Variants in SLIT2 observed in about 807,000 individuals in gnomAD.
SLIT2 encodes slit homolog 2 protein.
SLIT2 carries 41 observed loss-of-function variants against 185.7 expected under a neutral mutation model. The ratio of observed to expected loss-of-function variants is 0.22; its 90% CI spans 0.17 to 0.29. The LOEUF (loss-of-function observed/expected upper bound fraction) is 0.29, where lower values mean the gene tolerates loss of function less well. SLIT2 is among the 10% of genes least tolerant of loss of function. The pLI is 1.00. For synonymous variants in SLIT2, 693 were observed against 680.2 expected (o/e 1.02, Z -0.29); for missense variants, 1,571 against 1,909.0 (o/e 0.82, Z 3.30).
At chr4:20,274,805 C>T (rs1010886416) in intron 4 of SLIT2, among the ~76,000 whole-genome samples, 3 of 150,862 alleles carry the variant, frequency 2.0e-5, no homozygotes, top group African/African-American at 4.9e-5. Context: ...GCAAATGTTT[C>T]TAACTCCACC....
intron 4 of SLIT2, among the ~76,000 whole-genome samples, chr4:20,467,338 A>T (rs917158214): frequency 6.6e-6 from 1 of 152,106 alleles, no homozygotes; most frequent in Non-Finnish European, 1.5e-5. Context: ...ATTAAGTAGG[A>T]TGCTTTCCTA....
Position 20,594,291 on chromosome 4 carries a change from GTA to G in SLIT2, c.3183-1394_3183-1393del, listed in dbSNP as rs375488390. Among the ~76,000 whole-genome samples, 49 of 149,396 alleles carry G rather than the reference GTA, an allele frequency of 3.3e-4. No individual in the cohort carries two copies. The East Asian group carries it at 4.4e-3, about 13-fold the overall frequency. On this transcript the variant is annotated intron_variant, in intron 30 of 36. Coordinates refer to ENST00000504154, the MANE Select transcript of SLIT2 (RefSeq NM_004787.4). ...TATGTATGTGTGTATGTATATGTGTGTATATATATATATGTGTGTGTATATAT... is the reference window on the plus strand; with the variant it reads ...TATGTATGTGTGTATGTATATGTGTGTATATATATATGTGTGTGTATATAT...
At chr4:20,294,867 A>G (rs976117452) in intron 4 of SLIT2, among the ~76,000 whole-genome samples, 1 of 152,218 alleles carries the variant, frequency 6.6e-6, no homozygotes, top group East Asian at 1.9e-4. Flanking sequence ...AGTCAAAGAA[A>G]AACAAGGAGG....
rs918307905 is a variant in SLIT2, at chr4:20,523,993, G to A, written c.1275-21G>A. 18 of 1,613,728 alleles carry A rather than the reference G, an allele frequency of 1.1e-5. No homozygotes were observed. The South Asian group carries it at 1.8e-4, about 16-fold the overall frequency. ...TCCATTGCAAGTCATCTATAAAACT[G>A]TTCTGTATGTGTTTCCAAAGGCATT... On this transcript the variant is annotated intron_variant, in intron 13 of 36. Coordinates refer to ENST00000504154, the MANE Select transcript of SLIT2 (RefSeq NM_004787.4).
intron 19 of SLIT2, among the ~76,000 whole-genome samples, chr4:20,540,710 T>C (rs774352776): frequency 2.6e-5 from 4 of 151,088 alleles, no homozygotes; most frequent in African/African-American, 2.4e-5. Flanking sequence ...ATAGCTCAAG[T>C]CAGTGAAGAA....
intron 4 of SLIT2, among the ~76,000 whole-genome samples, chr4:20,444,567 C>G (rs11933090): frequency 0.09 from 13,670 of 152,104 alleles, 687 homozygotes; most frequent in Non-Finnish European, 0.11. Flanking sequence ...CAACTGTAAA[C>G]AGAGAACATT....
At chr4:20,473,020 G>A (rs921170161) in intron 5 of SLIT2, among the ~76,000 whole-genome samples, 1 of 151,656 alleles carries the variant, frequency 6.6e-6, no homozygotes, top group Non-Finnish European at 1.5e-5. Context: ...TTACTTTACC[G>A]TTGGTTTTTT....
intron 33 of SLIT2, among the ~76,000 whole-genome samples, chr4:20,603,213 G>A (rs149225388): frequency 3.3e-5 from 5 of 152,108 alleles, no homozygotes; most frequent in Non-Finnish European, 5.9e-5. Flanking sequence ...AAGCGAAAGG[G>A]GAAAACTCCA....
chr4:20,531,022 C>A (rs947937655), intron 16 of SLIT2, among the ~76,000 whole-genome samples: 2 of 151,634 alleles, frequency 1.3e-5, no homozygotes, highest in Non-Finnish European at 2.9e-5. Context: ...TTGAAACCCT[C>A]ATACATTGCT....
intron 4 of SLIT2, among the ~76,000 whole-genome samples, chr4:20,327,382 A>G (rs560177314): frequency 2.6e-5 from 4 of 152,186 alleles, no homozygotes; most frequent in African/African-American, 7.2e-5. Context: ...TGTTCACATA[A>G]TATCAATTGC....
intron 8 of SLIT2, chr4:20,490,827 T>G: frequency 6.6e-7 from 1 of 1,518,374 alleles, no homozygotes; most frequent in Non-Finnish European, 8.8e-7. Flanking sequence ...AAGTTCACAT[T>G]TCTTTTTTAG....
chr4:20,504,110 A>C (rs1718986611), intron 9 of SLIT2, among the ~76,000 whole-genome samples: 1 of 152,190 alleles, frequency 6.6e-6, no homozygotes, highest in Non-Finnish European at 1.5e-5. Flanking sequence ...GCATTCCAAA[A>C]ATAGAAAGTA....
intron 11 of SLIT2, among the ~76,000 whole-genome samples, chr4:20,513,310 T>C (rs1199589434): frequency 2.0e-5 from 3 of 152,202 alleles, no homozygotes; most frequent in Non-Finnish European, 4.4e-5. Context: ...CATAATACTG[T>C]AAAACAGATA....
intron 26 of SLIT2, among the ~76,000 whole-genome samples, chr4:20,560,230 G>T (rs74341463): frequency 5.1e-4 from 78 of 151,932 alleles, no homozygotes; most frequent in Non-Finnish European, 9.9e-4. Flanking sequence ...ATAGCAGGAA[G>T]ACAAATATTT....
rs1203631405 is a variant in SLIT2, at chr4:20,254,305, C to T, written c.179+311C>T. Among the ~76,000 whole-genome samples the T allele has an allele frequency of 6.6e-6, 1 of 152,138 alleles. No individual in the cohort carries two copies. Among genetic ancestry groups the T allele is most frequent in the Non-Finnish European group, 1.5e-5 (1 of 68,016 alleles). On this transcript the variant is annotated intron_variant, in intron 1 of 36. Coordinates refer to ENST00000504154, the MANE Select transcript of SLIT2 (RefSeq NM_004787.4). The surrounding 1 kb of genome is among the most constrained non-coding windows in gnomAD (Gnocchi z 5.1). ...GATAGGGGACAAGTACTGGAGGATG[C>T]CCGGGGCAAGTGAGACGCCACTTTG...
chr4:20,352,232 A>G (rs575581970), intron 4 of SLIT2, among the ~76,000 whole-genome samples: 2 of 152,312 alleles, frequency 1.3e-5, no homozygotes, highest in African/African-American at 4.8e-5. Flanking sequence ...CTCAATGCAT[A>G]ACGCTATTCA....
intron 4 of SLIT2, among the ~76,000 whole-genome samples, chr4:20,412,586 A>G (rs899409748): frequency 6.6e-6 from 1 of 152,118 alleles, no homozygotes; most frequent in African/African-American, 2.4e-5. Context: ...TGCAAGCATC[A>G]TTTTATTTCA....
chr4:20,352,652 G>A (rs550641242), intron 4 of SLIT2, among the ~76,000 whole-genome samples: 1 of 152,206 alleles, frequency 6.6e-6, no homozygotes, highest in Admixed American at 6.5e-5. Flanking sequence ...AGTGGCTCAC[G>A]CCTGTAATCC....
chr4:20,358,189 G>A (rs1722481795), intron 4 of SLIT2, among the ~76,000 whole-genome samples: 1 of 152,106 alleles, frequency 6.6e-6, no homozygotes, highest in African/African-American at 2.4e-5. Flanking sequence ...CCTTAGGATA[G>A]ATTACTGGAT....
Sources: allele counts gnomAD v4.1 joint callset (sites outside exome capture counted in the v4.1 genomes callset), GRCh38; gene constraint gnomAD v4.1.1; non-coding constraint Gnocchi (gnomAD v3.1); transcripts MANE v1.5; gene names NCBI Gene and HGNC (gene_info 2026-07-23, HGNC 2026-07-21).